The following IGSF21 variants were observed in gnomAD, a reference collection of about 807,000 sequenced individuals.
The protein encoded by IGSF21 is immunoglobin superfamily member 21, also known as immunoglobulin superfamily member 21.
IGSF21 carries 28 observed loss-of-function variants against 46.8 expected under a neutral mutation model. The ratio of observed to expected loss-of-function variants is 0.60; its 90% CI spans 0.44 to 0.82. The LOEUF (loss-of-function observed/expected upper bound fraction) is 0.82. Ranked by LOEUF, IGSF21 falls within the 40% of genes least tolerant of loss-of-function variation. The pLI is 0.00. For missense variants in IGSF21, 624 were observed against 665.5 expected, an observed-to-expected ratio of 0.94 and a Z score of 0.69; for synonymous variants, 284 against 273.6, an observed-to-expected ratio of 1.04 and a Z score of -0.38.
At chr1:18,231,192 G>A (rs1389094578) in intron 2 of IGSF21, among the ~76,000 whole-genome samples, 1 of 152,226 alleles carries the variant, frequency 6.6e-6, no homozygotes, top group Non-Finnish European at 1.5e-5. Context: ...GTCAAGCCCA[G>A]CAGCCTCCCC....
chr1:18,261,751 A>T (rs986815902), intron 2 of IGSF21, among the ~76,000 whole-genome samples: 1 of 152,204 alleles, frequency 6.6e-6, no homozygotes, highest in Non-Finnish European at 1.5e-5. Context: ...TTAACCTTGA[A>T]GATGCCAGAG....
At position 18,264,715 on chromosome 1, in the gene IGSF21, G is replaced by A. The variant is rs145175820; in HGVS notation, c.184-27151G>A. On this transcript the variant is annotated intron_variant, in intron 2 of 9. Transcript: ENST00000251296. ...TGTAGCTGAAGGAATCATTGAATTT[G>A]ACCTAAACCTCTGTTCTTCTAGGAA... is the stretch of plus-strand genomic sequence containing the variant. 1.3e-3 allele frequency among the ~76,000 whole-genome samples: 205 copies of A among 152,310 alleles called. 5 individuals carry two copies. In the East Asian group the frequency reaches 0.033, roughly 24 times the overall value.
chr1:18,351,938 A>C (rs2085961354), intron 4 of IGSF21, among the ~76,000 whole-genome samples: 1 of 152,220 alleles, frequency 6.6e-6, no homozygotes, highest in South Asian at 2.1e-4. Flanking sequence ...GCTTCCAGCC[A>C]GCAAAACTCC....
At chr1:18,228,135 G>A in intron 2 of IGSF21, 125 bp downstream of exon 2, 2 of 707,540 alleles carry the variant, frequency 2.8e-6, no homozygotes, top group South Asian at 1.6e-5. Context: ...GAGTTGTCCT[G>A]GGCATCTGCT....
intron 1 of IGSF21, among the ~76,000 whole-genome samples, chr1:18,128,392 T>A (rs1248562672): frequency 6.6e-6 from 1 of 152,028 alleles, no homozygotes; most frequent in African/African-American, 2.4e-5. Flanking sequence ...GCAGGAAAAG[T>A]CTGGCTCAGC....
rs577560176 is a variant in IGSF21 at position 18,242,650 on chromosome 1, C to T, written c.183+14640C>T. Among the ~76,000 whole-genome samples the T allele has an allele frequency of 9.3e-4, 142 of 152,286 alleles. 1 individual carries two copies. Among genetic ancestry groups the T allele is most frequent in the Non-Finnish European group, 1.8e-3 (121 of 68,030 alleles). On this transcript the variant is annotated intron_variant, in intron 2 of 9. Coordinates refer to ENST00000251296, the MANE Select transcript of IGSF21 (RefSeq NM_032880.5). ...AGAAGGCTGTTTATTTCCTTACGTG[C>T]TTTCAACGTTCCCCTTCAACCCTCT...
chr1:18,153,933 A>G (rs1435421554), intron 1 of IGSF21, among the ~76,000 whole-genome samples: 1 of 152,114 alleles, frequency 6.6e-6, no homozygotes, highest in African/African-American at 2.4e-5. Context: ...TAAAAGGTGG[A>G]GACACTGAAG....
At chr1:18,160,628 G>A (rs1225410812) in intron 1 of IGSF21, among the ~76,000 whole-genome samples, 2 of 152,002 alleles carry the variant, frequency 1.3e-5, no homozygotes, top group Non-Finnish European at 2.9e-5. Flanking sequence ...GGAAGGACCG[G>A]GCACTCAGAG....
chr1:18,245,475 A>T (rs951076859), intron 2 of IGSF21, among the ~76,000 whole-genome samples: 1 of 151,792 alleles, frequency 6.6e-6, no homozygotes, highest in South Asian at 2.1e-4. Flanking sequence ...TTTTCATTGG[A>T]TTTTCTGTGG....
In IGSF21 at chr1:18,296,877, A is replaced by G. The variant is rs138736169; in HGVS notation, c.305+4890A>G. Among the ~76,000 whole-genome samples the G allele has an allele frequency of 3.4e-3, 516 of 152,334 alleles. 2 individuals carry two copies. Among genetic ancestry groups the G allele is most frequent in the South Asian group, 8.7e-3 (42 of 4,824 alleles). ...ATCTGCTCAGGAAGCGATGAGGAAC[A>G]CTGGACAGATTTCACTGGCCTTAAT... On this transcript the variant is annotated intron_variant, in intron 3 of 9. Coordinates refer to ENST00000251296, the MANE Select transcript of IGSF21 (RefSeq NM_032880.5).
chr1:18,285,282 C>G (rs188060145), intron 2 of IGSF21, among the ~76,000 whole-genome samples: 2 of 151,814 alleles, frequency 1.3e-5, no homozygotes, highest in African/African-American at 4.8e-5. Flanking sequence ...AATTAAACAG[C>G]CAGGCCGGTC....
intron 2 of IGSF21, among the ~76,000 whole-genome samples, chr1:18,237,096 C>T (rs1161854226): frequency 6.6e-6 from 1 of 152,124 alleles, no homozygotes; most frequent in Non-Finnish European, 1.5e-5. Context: ...AATTACAAGC[C>T]CACTGTCTTT....
At chr1:18,303,091 C>A (rs1273001720) in intron 3 of IGSF21, among the ~76,000 whole-genome samples, 1 of 152,116 alleles carries the variant, frequency 6.6e-6, no homozygotes, top group East Asian at 1.9e-4. Context: ...CCCCCAACCA[C>A]CAAGGATGGG....
At chr1:18,214,633 A>T (rs1359779570) in intron 1 of IGSF21, among the ~76,000 whole-genome samples, 10 of 152,186 alleles carry the variant, frequency 6.6e-5, no homozygotes, top group African/African-American at 2.4e-4. Flanking sequence ...GCCTTGGGAA[A>T]CTTACAGTCA....
chr1:18,160,243 A>G (rs1230994026), intron 1 of IGSF21, among the ~76,000 whole-genome samples: 4 of 152,184 alleles, frequency 2.6e-5, no homozygotes, highest in Non-Finnish European at 5.9e-5. Context: ...CTGGAGTTAG[A>G]GCCTAGCTCT....
intron 1 of IGSF21, among the ~76,000 whole-genome samples, chr1:18,139,404 G>A (rs2086395249): frequency 6.6e-6 from 1 of 152,154 alleles, no homozygotes; most frequent in Non-Finnish European, 1.5e-5. Context: ...ACCTCCCCCT[G>A]CTGGAAGATC....
chr1:18,108,174 GC>G lies in IGSF21; in HGVS notation c.48del (p.Ala17ArgfsTer10). The G allele has an allele frequency of 6.9e-7, 1 of 1,447,908 alleles. No homozygotes were observed. Among genetic ancestry groups the G allele is most frequent in the Non-Finnish European group, 9.1e-7 (1 of 1,103,632 alleles). 89.7% of individuals were successfully genotyped at this position (1,447,908 alleles called of 1,614,324 possible). A position where few individuals can be genotyped will look rare whatever the true frequency, so the allele number is the denominator to read the frequency against. ...CCGCCGCTGCGTCTGCCTGCTGCTC[GC>G]CGCGATCCTGGACCTGGCGCGCGGT... ...SLRRCVCLLLAAILDLARGYL... is the reference protein window; with the variant it reads ...SLRRCVCLLLXAILDLARGYL... On this transcript the variant is annotated frameshift_variant, in exon 1 of 10. Coordinates refer to ENST00000251296, the MANE Select transcript of IGSF21 (RefSeq NM_032880.5). LOFTEE classifies it high-confidence loss of function.
chr1:18,351,568 G>C (rs1444405297), intron 4 of IGSF21, among the ~76,000 whole-genome samples: 1 of 152,200 alleles, frequency 6.6e-6, no homozygotes, highest in Non-Finnish European at 1.5e-5. Context: ...GGGGAGGACG[G>C]ACGAGCAACA....
At chr1:18,370,516 C>G (rs1175621777) in intron 6 of IGSF21, among the ~76,000 whole-genome samples, 1 of 152,118 alleles carries the variant, frequency 6.6e-6, no homozygotes, top group Non-Finnish European at 1.5e-5. Context: ...CAAAACATAG[C>G]CTTTGTGATA....
Sources: gnomAD v4.1 joint callset for allele counts (sites outside exome capture counted in the v4.1 genomes callset) on GRCh38, gnomAD v4.1.1 for gene constraint, MANE v1.5 for transcripts, NCBI Gene and HGNC (gene_info 2026-07-23, HGNC 2026-07-21) for gene names.